MTSS1: variants seen among roughly 807,000 people sequenced by gnomAD.
The protein encoded by MTSS1 is protein MTSS 1.
In MTSS1, 18 loss-of-function variants were observed where a neutral mutation model predicts 79.0. That is an observed-to-expected ratio of 0.23 (90% CI 0.16 to 0.34). The LOEUF is 0.34. Among genes scored for constraint, MTSS1 ranks in the 10% least tolerant of loss-of-function variants. The pLI is 1.00. For synonymous variants in MTSS1, 341 were observed against 368.6 expected, an observed-to-expected ratio of 0.93 and a Z score of 0.86; for missense variants, 815 against 986.2, an observed-to-expected ratio of 0.83 and a Z score of 2.33.
chr8:124,611,108 C>CCAA lies in MTSS1; in HGVS notation c.209-19874_209-19873insTTG, dbSNP rs1554671304. Among the ~76,000 whole-genome samples the CCAA allele has an allele frequency of 2.2e-5, 3 of 133,444 alleles. 1 individual carries two copies. The highest frequency in any genetic ancestry group is 4.8e-5 in the Non-Finnish European group (3 of 62,764). The allele number at this position is 133,444 out of a possible 152,430, so 87.5% of individuals were successfully genotyped here. ...ATGTGCACAAACCCACCAGACAGAC[C>CCAA]CCCCCCCCCCAGCATGTGACTCAAC... On this transcript the variant is annotated intron_variant, in intron 3 of 13. Coordinates refer to ENST00000518547, the MANE Select transcript of MTSS1 (RefSeq NM_014751.6).
intron 3 of MTSS1, among the ~76,000 whole-genome samples, chr8:124,662,512 A>G (rs1822243972): frequency 6.6e-6 from 1 of 151,998 alleles, no homozygotes; most frequent in African/African-American, 2.4e-5. Flanking sequence ...TGTCCATCAC[A>G]ATTACCTGGA....
intron 6 of MTSS1, among the ~76,000 whole-genome samples, chr8:124,581,287 CAA>C (rs10616707): frequency 0.04 from 3,992 of 100,858 alleles, 174 homozygotes; most frequent in African/African-American, 0.13. Context: ...GATGCTGACT[CAA>C]AAAAAAAAAA....
At chr8:124,651,456 T>C (rs1819950154) in intron 3 of MTSS1, among the ~76,000 whole-genome samples, 1 of 151,782 alleles carries the variant, frequency 6.6e-6, no homozygotes, top group Non-Finnish European at 1.5e-5. Context: ...TGGTCTTTTT[T>C]TTTTTGGTGG....
intron 3 of MTSS1, among the ~76,000 whole-genome samples, chr8:124,599,555 A>G (rs1159960126): frequency 6.6e-6 from 1 of 152,084 alleles, no homozygotes; most frequent in Non-Finnish European, 1.5e-5. Context: ...TAAAGTGGAA[A>G]TCTTTGGTTC....
At chr8:124,629,843 G>A (rs6997870) in intron 3 of MTSS1, among the ~76,000 whole-genome samples, 15,561 of 152,172 alleles carry the variant, frequency 0.1, 1,011 homozygotes, top group African/African-American at 0.18. Context: ...TGAATCATCC[G>A]AATAACCAGT....
At chr8:124,571,572 T>C (rs1380017738) in intron 6 of MTSS1, among the ~76,000 whole-genome samples, 2 of 152,082 alleles carry the variant, frequency 1.3e-5, no homozygotes, top group African/African-American at 4.8e-5. Flanking sequence ...AACTCTCGTG[T>C]AGGATGGTGA....
At chr8:124,643,698 C>CAAAAAA (rs11323836) in intron 3 of MTSS1, among the ~76,000 whole-genome samples, 3 of 66,888 alleles carry the variant, frequency 4.5e-5, no homozygotes, top group South Asian at 5.6e-4. Context: ...AATTCCGTCT[C>CAAAAAA]AAAAAAAAAA....
At chr8:124,712,981 T>G (rs9969518) in intron 1 of MTSS1, among the ~76,000 whole-genome samples, 99,692 of 152,066 alleles carry the variant, frequency 0.66, 33,115 homozygotes, top group African/African-American at 0.76. Flanking sequence ...AAAATAAAAA[T>G]AACCAAACAA....
chr8:124,672,910 C>T (rs981638417), intron 3 of MTSS1, among the ~76,000 whole-genome samples: 7 of 151,782 alleles, frequency 4.6e-5, no homozygotes, highest in African/African-American at 1.2e-4. Flanking sequence ...CACATGCACA[C>T]ATATATATGG....
At chr8:124,672,683 A>AC (rs1230873536) in intron 3 of MTSS1, among the ~76,000 whole-genome samples, 1 of 151,868 alleles carries the variant, frequency 6.6e-6, no homozygotes, top group Non-Finnish European at 1.5e-5. Context: ...GGTGGCATGC[A>AC]CCCATAGTCC....
chr8:124,589,548 C>T, intron 5 of MTSS1, 72 bp downstream of exon 5: 1 of 1,231,692 alleles, frequency 8.1e-7, no homozygotes, highest in Non-Finnish European at 1.2e-6. Context: ...GCAGAGGGGC[C>T]AGGCAGCAGC....
At position 124,557,827 on chromosome 8, in the gene MTSS1, C is replaced by T; in HGVS notation, c.1084G>A (p.Gly362Arg). Residue 362 changes from glycine (G) to arginine (R), a missense_variant, in exon 11 of 14, where the codon GGG becomes AGG. Physicochemically the swap from Gly to Arg is moderately radical, Grantham distance 125. Transcript: ENST00000518547. The stretch of plus-strand genomic sequence containing the variant: ...GGGAAAAGGCCTGCACCCGTGGGCC[C>T]CACGTGGGACTCACTTGATAAACTA... ...HYSLSSESHVGPTGAGLFPHC... is the reference protein window; with the variant it reads ...HYSLSSESHVRPTGAGLFPHC... 2 of 1,603,840 alleles carry T rather than the reference C, an allele frequency of 1.2e-6. No homozygotes were observed. The highest frequency in any genetic ancestry group is 1.7e-6 in the Non-Finnish European group (2 of 1,175,284).
intron 3 of MTSS1, among the ~76,000 whole-genome samples, chr8:124,631,233 G>A (rs577204018): frequency 6.6e-6 from 1 of 152,274 alleles, no homozygotes; most frequent in East Asian, 1.9e-4. Flanking sequence ...CAGGCACGCT[G>A]CCACAGCTGG....
Position 124,562,815 on chromosome 8 carries a change from T to A in MTSS1, c.1002A>T (p.Ser334=), listed in dbSNP as rs764438746. The A allele has an allele frequency of 6.2e-7, 1 of 1,614,126 alleles. No homozygotes were observed. Among genetic ancestry groups the A allele is most frequent in the East Asian group, 2.2e-5 (1 of 44,870 alleles). ...FISQDAFQSK[S]PSPMPPEAPN... ...GGGCCTCTGGCGGCATGGGGGATGG[T>A]GACTTGGACTGGAAGGCATCCTGGG... Residue 334 remains serine (S), a synonymous_variant, in exon 10 of 14, where the codon TCA becomes TCT. Coordinates refer to ENST00000518547, the MANE Select transcript of MTSS1 (RefSeq NM_014751.6).
At chr8:124,675,595 T>C (rs184560223) in intron 3 of MTSS1, among the ~76,000 whole-genome samples, 6 of 152,188 alleles carry the variant, frequency 3.9e-5, no homozygotes, top group Non-Finnish European at 7.3e-5. Context: ...CTCTACCTAG[T>C]TCAAAAACAT....
At chr8:124,593,760 G>A (rs536728306) in intron 3 of MTSS1, among the ~76,000 whole-genome samples, 2 of 152,252 alleles carry the variant, frequency 1.3e-5, no homozygotes, top group South Asian at 4.2e-4. Context: ...TTTGTCCCAG[G>A]TTATGTCACT....
chr8:124,672,784 T>C (rs1824492541), intron 3 of MTSS1, among the ~76,000 whole-genome samples: 1 of 152,006 alleles, frequency 6.6e-6, no homozygotes, highest in Admixed American at 6.6e-5. Flanking sequence ...CATTTCAGCC[T>C]GGGAAACACA....
rs1823748034 is a variant in MTSS1 at position 124,556,263 on chromosome 8, G to A, written c.1373C>T (p.Pro458Leu). The change falls in exon 12 of 14, where the codon CCA (proline) becomes CTA (leucine). Residue 458 changes from proline (P) to leucine (L), a missense_variant. Transcript: ENST00000518547. ...GGCAGCCGATACAGTCATGCTCCGT[G>A]GTCTCTGAGCCTCCTCAGCTGCTGC... is the stretch of plus-strand genomic sequence containing the variant. ...PPAAAEEAQRPRSMTVSAATR... is the reference protein window; with the variant it reads ...PPAAAEEAQRLRSMTVSAATR... The A allele has an allele frequency of 4.3e-6, 7 of 1,614,204 alleles. No homozygotes were observed. Among genetic ancestry groups the A allele is most frequent in the Non-Finnish European group, 5.9e-6 (7 of 1,180,034 alleles).
intron 1 of MTSS1, among the ~76,000 whole-genome samples, chr8:124,724,600 C>T (rs1833414975): frequency 6.6e-6 from 1 of 152,086 alleles, no homozygotes; most frequent in Non-Finnish European, 1.5e-5. Flanking sequence ...GTTTTTTTAA[C>T]CCAAGTTAAT....
Sources: gnomAD v4.1 joint callset for allele counts (sites outside exome capture counted in the v4.1 genomes callset) on GRCh38, gnomAD v4.1.1 for gene constraint, MANE v1.5 for transcripts, NCBI Gene and HGNC (gene_info 2026-07-23, HGNC 2026-07-21) for gene names.